Variants in CADPS observed in about 807,000 individuals in gnomAD.
CADPS encodes the protein calcium dependent secretion activator.
Under a neutral mutation model 167.3 loss-of-function variants are expected in CADPS, and 57 were observed. The ratio of observed to expected loss-of-function variants is 0.34; its 90% CI spans 0.28 to 0.42. The LOEUF (loss-of-function observed/expected upper bound fraction) is 0.42. CADPS is among the 20% of genes least tolerant of loss of function. CADPS has a pLI of 1.00. For synonymous variants in CADPS, 676 were observed against 635.3 expected, an observed-to-expected ratio of 1.06 and a Z score of -0.96; for missense variants, 1,414 against 1,738.1, an observed-to-expected ratio of 0.81 and a Z score of 3.32.
chr3:62,464,499 A>T (rs2059723107), intron 26 of CADPS, among the ~76,000 whole-genome samples: 1 of 152,184 alleles, frequency 6.6e-6, no homozygotes, highest in South Asian at 2.1e-4. Context: ...GGAAGCATGC[A>T]GCTGTGGTGT....
chr3:62,856,552 G>A (rs1289013318), intron 1 of CADPS, among the ~76,000 whole-genome samples: 2 of 151,894 alleles, frequency 1.3e-5, no homozygotes, highest in Non-Finnish European at 2.9e-5. Flanking sequence ...ATTCTGAAAA[G>A]TATAATAAAA....
chr3:62,414,825 C>T (rs1033626120), intron 28 of CADPS, among the ~76,000 whole-genome samples: 7 of 152,334 alleles, frequency 4.6e-5, no homozygotes, highest in South Asian at 2.1e-4. Flanking sequence ...CCAGGGAGGA[C>T]GGGAAGGCCT....
At chr3:62,680,882 T>C (rs2077055506) in intron 3 of CADPS, among the ~76,000 whole-genome samples, 1 of 152,014 alleles carries the variant, frequency 6.6e-6, no homozygotes, top group Admixed American at 6.6e-5. Context: ...ACTACAGCCC[T>C]GAGAGGTTCT....
chr3:62,680,034 A>C (rs1320031269), intron 3 of CADPS, among the ~76,000 whole-genome samples: 1 of 152,042 alleles, frequency 6.6e-6, no homozygotes, highest in Non-Finnish European at 1.5e-5. Context: ...AACTACCTCT[A>C]CAGGCTATGG....
chr3:62,650,909 T>G lies in CADPS; in HGVS notation c.1141A>C (p.Met381Leu). 5.0e-6 allele frequency: 8 copies of G among 1,614,076 alleles called. No individual in the cohort carries two copies. Among genetic ancestry groups the G allele is most frequent in the Non-Finnish European group, 6.8e-6 (8 of 1,179,980 alleles). The change falls in exon 5 of 30, where the codon ATG (methionine) becomes CTG (leucine). Residue 381 changes from methionine to leucine, a missense_variant. Met to Leu is a conservative substitution (Grantham distance 15, BLOSUM62 2). Transcript: ENST00000383710. ...AGCTGGTTCTCACTCTCCTCGCCCATGTCGATGATGGAAGCATTGTGGCTG... is the reference window on the plus strand; with the variant it reads ...AGCTGGTTCTCACTCTCCTCGCCCAGGTCGATGATGGAAGCATTGTGGCTG... Reference protein sequence around the residue: ...KRSHNASIIDMGEESENQLSK... With the variant: ...KRSHNASIIDLGEESENQLSK...
intron 3 of CADPS, among the ~76,000 whole-genome samples, chr3:62,691,841 G>A (rs1008003267): frequency 1.3e-5 from 2 of 151,996 alleles, no homozygotes; most frequent in African/African-American, 4.8e-5. Context: ...TTAATACCTT[G>A]GTGATGGGTT....
chr3:62,539,462 C>T (rs2075324375), intron 11 of CADPS, among the ~76,000 whole-genome samples: 1 of 151,944 alleles, frequency 6.6e-6, no homozygotes, highest in Non-Finnish European at 1.5e-5. Flanking sequence ...ACAAGGGTGG[C>T]TGGCTCCCAC....
chr3:62,435,942 T>A (rs2054927191), intron 28 of CADPS, among the ~76,000 whole-genome samples: 1 of 150,638 alleles, frequency 6.6e-6, no homozygotes, highest in Non-Finnish European at 1.5e-5. Context: ...CAGTAATATT[T>A]CTTTTTACTA....
intron 3 of CADPS, among the ~76,000 whole-genome samples, chr3:62,725,609 A>C (rs1197109897): frequency 6.7e-6 from 1 of 149,520 alleles, no homozygotes; most frequent in Non-Finnish European, 1.5e-5. Context: ...TGATAAAATG[A>C]ATTATTATGT....
intron 3 of CADPS, among the ~76,000 whole-genome samples, chr3:62,743,196 T>C (rs1019204105): frequency 7.9e-5 from 12 of 152,160 alleles, no homozygotes; most frequent in African/African-American, 2.7e-4. Flanking sequence ...ATCCATGGAA[T>C]AATTTTTTGA....
intron 26 of CADPS, among the ~76,000 whole-genome samples, chr3:62,456,770 A>C (rs1176472336): frequency 6.6e-6 from 1 of 151,904 alleles, no homozygotes. Flanking sequence ...GTCTAAAAAA[A>C]AAAAAAAAAC....
At chr3:62,636,858 G>A (rs1268420825) in intron 6 of CADPS, among the ~76,000 whole-genome samples, 1 of 152,086 alleles carries the variant, frequency 6.6e-6, no homozygotes, top group African/African-American at 2.4e-5. Flanking sequence ...ATCGAAGGCA[G>A]TCCACCCTCA....
chr3:62,703,641 T>G (rs1580773457), intron 3 of CADPS, among the ~76,000 whole-genome samples: 1 of 152,238 alleles, frequency 6.6e-6, no homozygotes. Context: ...GAATGAATCA[T>G]GAGCTCTAAA....
At chr3:62,623,932 T>C (rs2063577679) in intron 6 of CADPS, among the ~76,000 whole-genome samples, 1 of 120,474 alleles carries the variant, frequency 8.3e-6, no homozygotes, top group Admixed American at 1.0e-4. Flanking sequence ...AGAGTATCTG[T>C]TGACAATTTT....
intron 27 of CADPS, among the ~76,000 whole-genome samples, chr3:62,442,194 T>C (rs2056430716): frequency 6.7e-6 from 1 of 150,342 alleles, no homozygotes; most frequent in South Asian, 2.1e-4. Context: ...TAATAGTTAG[T>C]GGTATGCTGG....
intron 28 of CADPS, among the ~76,000 whole-genome samples, chr3:62,419,500 T>A (rs1221551002): frequency 6.6e-6 from 1 of 152,172 alleles, no homozygotes; most frequent in East Asian, 1.9e-4. Context: ...AGCTTGATTA[T>A]GTCAAAAAGA....
intron 3 of CADPS, among the ~76,000 whole-genome samples, chr3:62,704,741 C>T (rs925783636): frequency 1.4e-4 from 21 of 152,088 alleles, no homozygotes; most frequent in Admixed American, 6.6e-5. Context: ...TAAAAAGGTG[C>T]CATCAAATTT....
At chr3:62,779,564 T>G in intron 1 of CADPS, 1 of 533,144 alleles carries the variant, frequency 1.9e-6, no homozygotes, top group Non-Finnish European at 3.8e-6. Flanking sequence ...TCTGCCAGGC[T>G]TATGGGACAT....
chr3:62,566,405 T>C (rs1262304542), intron 9 of CADPS, among the ~76,000 whole-genome samples: 2 of 113,510 alleles, frequency 1.8e-5, no homozygotes, highest in African/African-American at 5.7e-5. Flanking sequence ...TTGCCACCGC[T>C]TGGATTGACA....
Sources: gnomAD v4.1 joint callset for allele counts (sites outside exome capture counted in the v4.1 genomes callset) on GRCh38, gnomAD v4.1.1 for gene constraint, MANE v1.5 for transcripts, NCBI Gene and HGNC (gene_info 2026-07-23, HGNC 2026-07-21) for gene names.